The following WFDC11 variants were observed in gnomAD, a reference collection of about 807,000 sequenced individuals.
WFDC11 encodes the protein protein WFDC11.
In WFDC11, 9 loss-of-function variants were observed where a neutral mutation model predicts 9.9. The observed-to-expected ratio is 0.91, with a 90% CI of 0.55 to 1.58. WFDC11 has a LOEUF of 1.58. Among genes scored for constraint, WFDC11 ranks in the 40% most tolerant of loss-of-function variants. The pLI, the probability that WFDC11 is intolerant of heterozygous loss-of-function variation, is 0.00. For synonymous variants in WFDC11, 32 were observed against 33.3 expected, an observed-to-expected ratio of 0.96 and a Z score of 0.13; for missense variants, 106 against 101.7, an observed-to-expected ratio of 1.04 and a Z score of -0.18.
At chr20:45,654,707 A>G (rs1349566970) in intron 2 of WFDC11, among the ~76,000 whole-genome samples, 1 of 152,228 alleles carries the variant, frequency 6.6e-6, no homozygotes, top group Admixed American at 6.5e-5. Flanking sequence ...AGAAGCAAAG[A>G]GAGAAGAATC....
At chr20:45,654,690 CTAAT>C (rs1310369269) in intron 2 of WFDC11, among the ~76,000 whole-genome samples, 1 of 151,900 alleles carries the variant, frequency 6.6e-6, no homozygotes, top group Non-Finnish European at 1.5e-5. Flanking sequence ...GCTAGCAAGA[CTAAT>C]AAAGAAGCAA....
Position 45,650,644 on chromosome 20 carries a change from A to G in WFDC11, c.-44T>C, listed in dbSNP as rs1982787178. ...TGTCAGAAGGATTATTTTTCTTCCC[A>G]GTCGCTGCTAGAGATCAAGACATAT... On this transcript the variant is annotated 5_prime_UTR_variant, in exon 3 of 5. Coordinates refer to ENST00000324384, the MANE Select transcript of WFDC11 (RefSeq NM_147197.2). 4 of 1,511,190 alleles carry G rather than the reference A, an allele frequency of 2.6e-6. No individual in the cohort carries two copies. The highest frequency in any genetic ancestry group is 1.4e-5 in the African/African-American group (1 of 72,998). The allele number at this position is 1,511,190 out of a possible 1,614,324, so 93.6% of individuals were successfully genotyped here.
At chr20:45,652,443 C>G (rs1427481813) in intron 2 of WFDC11, among the ~76,000 whole-genome samples, 2 of 152,172 alleles carry the variant, frequency 1.3e-5, no homozygotes, top group African/African-American at 4.8e-5. Context: ...ACGTCACCAT[C>G]ATCAAAGACC....
At chr20:45,648,845 A>T in intron 4 of WFDC11, 106 bp from the exon 5 acceptor site, 1 of 1,211,596 alleles carries the variant, frequency 8.3e-7, no homozygotes, top group Non-Finnish European at 1.2e-6. Flanking sequence ...ATGGGACAAG[A>T]ATACTTTAAC....
chr20:45,660,702 T>G (rs544876328), intron 2 of WFDC11, among the ~76,000 whole-genome samples: 8 of 152,196 alleles, frequency 5.3e-5, no homozygotes, highest in Non-Finnish European at 1.2e-4. Context: ...TTACTGAGAA[T>G]GATGATTTCC....
chr20:45,650,977 A>G (rs937801419), intron 2 of WFDC11, among the ~76,000 whole-genome samples: 2 of 152,178 alleles, frequency 1.3e-5, no homozygotes, highest in Admixed American at 1.3e-4. Flanking sequence ...GAAAACTTGT[A>G]TCATGAGAGT....
intron 3 of WFDC11, 57 bp downstream of exon 3, chr20:45,650,444 T>G: frequency 1.4e-6 from 2 of 1,423,110 alleles, no homozygotes; most frequent in Non-Finnish European, 2.0e-6. Flanking sequence ...CCCCCTCCCT[T>G]GTTCAGAAAC....
intron 3 of WFDC11, among the ~76,000 whole-genome samples, chr20:45,650,230 A>ACG (rs58748976): frequency 2.2e-5 from 3 of 138,784 alleles, no homozygotes; most frequent in East Asian, 4.7e-4. Context: ...ACACACACAC[A>ACG]TGTGTTTGTA....
intron 4 of WFDC11, among the ~76,000 whole-genome samples, 170 bp from the exon 5 acceptor site, chr20:45,648,909 G>T (rs1220860007): frequency 6.6e-6 from 1 of 152,204 alleles, no homozygotes; most frequent in Admixed American, 6.5e-5. Context: ...ACAAAAAAAG[G>T]TGGAGACTTT....
At chr20:45,652,146 T>C (rs1982821601) in intron 2 of WFDC11, among the ~76,000 whole-genome samples, 1 of 152,116 alleles carries the variant, frequency 6.6e-6, no homozygotes, top group Admixed American at 6.5e-5. Context: ...CTCAAGTGGG[T>C]CCCTGACCCC....
At chr20:45,656,102 C>A (rs1982924824) in intron 2 of WFDC11, among the ~76,000 whole-genome samples, 1 of 151,130 alleles carries the variant, frequency 6.6e-6, no homozygotes, top group Non-Finnish European at 1.5e-5. Context: ...TCATATGGAA[C>A]CAAAAAAGAG....
chr20:45,651,674 TTCCCTTTCCTAGTCAA>T (rs1445072772), intron 2 of WFDC11, among the ~76,000 whole-genome samples: 3 of 152,070 alleles, frequency 2.0e-5, no homozygotes, highest in Admixed American at 2.0e-4. Flanking sequence ...GGTCAGGGAA[TTCCCTTTCCTAGTCAA>T]AGAAAGGGGT....
intron 2 of WFDC11, among the ~76,000 whole-genome samples, chr20:45,655,069 C>A (rs1300523517): frequency 6.6e-6 from 1 of 152,194 alleles, no homozygotes; most frequent in Non-Finnish European, 1.5e-5. Flanking sequence ...GGAATCCTCC[C>A]TAACCCATTT....
chr20:45,649,199 C>T lies in WFDC11; in HGVS notation c.243+58G>A, dbSNP rs143056405. 171 of 1,594,666 alleles carry T rather than the reference C, an allele frequency of 1.1e-4. 1 individual carries two copies. The African/African-American group carries it at 1.4e-3, about 13-fold the overall frequency. ...TCTTCTGTTTAGGAATAACAGCCTC[C>T]GAGAAGGGAATGAGAATCAGTGAAG... On this transcript the variant is annotated intron_variant, in intron 4 of 4. Transcript: ENST00000324384.
intron 3 of WFDC11, 47 bp downstream of exon 3, chr20:45,650,454 C>T: frequency 6.6e-7 from 1 of 1,514,376 alleles, no homozygotes; most frequent in South Asian, 1.1e-5. Flanking sequence ...TGTTCAGAAA[C>T]AAGCTCATCC....
chr20:45,660,287 G>C (rs1386526333), intron 2 of WFDC11, among the ~76,000 whole-genome samples: 2 of 152,064 alleles, frequency 1.3e-5, no homozygotes, highest in African/African-American at 4.8e-5. Context: ...TGATCATTCA[G>C]GAACAGGTTA....
rs570217436 is a variant in WFDC11, at chr20:45,649,256, C to G, written c.243+1G>C. The G allele has an allele frequency of 5.0e-6, 8 of 1,613,804 alleles. No individual in the cohort carries two copies. The highest frequency in any genetic ancestry group is 6.8e-6 in the Non-Finnish European group (8 of 1,179,964). On this transcript the variant is annotated splice_donor_variant, in intron 4 of 4. Coordinates refer to ENST00000324384, the MANE Select transcript of WFDC11 (RefSeq NM_147197.2). LOFTEE classifies it high-confidence loss of function. Reference sequence around the variant, plus strand: ...ACCCAAGCAAACATCTCCCAACTCACGACGTTTATCCAGCAGATGTTTCCA... The same window carrying G: ...ACCCAAGCAAACATCTCCCAACTCAGGACGTTTATCCAGCAGATGTTTCCA...
Position 45,659,412 on chromosome 20 carries a change from C to T in WFDC11, c.-52+7676G>A, listed in dbSNP as rs73620949. ...TTTTAATGATTGCCATTCTAACTGG[C>T]GTGAGATGGTATCTCATTGTGGTTT... On this transcript the variant is annotated intron_variant, in intron 2 of 4. Coordinates refer to ENST00000324384, the MANE Select transcript of WFDC11 (RefSeq NM_147197.2). 3.7e-4 allele frequency among the ~76,000 whole-genome samples: 56 copies of T among 152,210 alleles called. No individual in the cohort carries two copies. The South Asian group carries it at 0.011, about 29-fold the overall frequency.
chr20:45,664,857 C>T (rs1321361897), intron 2 of WFDC11, among the ~76,000 whole-genome samples: 3 of 152,026 alleles, frequency 2.0e-5, no homozygotes, highest in Non-Finnish European at 4.4e-5. Flanking sequence ...ACATTTTTTC[C>T]TTCATTTCAA....
Sources: allele counts gnomAD v4.1 joint callset (sites outside exome capture counted in the v4.1 genomes callset), GRCh38; gene constraint gnomAD v4.1.1; transcripts MANE v1.5; gene names NCBI Gene and HGNC (gene_info 2026-07-23, HGNC 2026-07-21).